RHOQ: variants seen among roughly 807,000 people sequenced by gnomAD.
The protein encoded by RHOQ is ras homolog family member Q, also known as rho-related GTP-binding protein RhoQ.
A neutral mutation model predicts 25.8 loss-of-function variants in RHOQ; 7 were observed. That is an observed-to-expected ratio of 0.27 (90% confidence interval 0.15 to 0.51). The LOEUF (loss-of-function observed/expected upper bound fraction) is 0.51, where lower values mean the gene tolerates loss of function less well. Ranked by LOEUF, RHOQ falls within the 20% of genes least tolerant of loss-of-function variation. The pLI, the probability that RHOQ is intolerant of heterozygous loss-of-function variation, is 0.97. For missense variants in RHOQ, 165 were observed against 260.6 expected, an observed-to-expected ratio of 0.63 and a Z score of 2.53; for synonymous variants, 97 against 98.6, an observed-to-expected ratio of 0.98 and a Z score of 0.10.
At chr2:46,563,077 C>A (rs904803844) in intron 2 of RHOQ, among the ~76,000 whole-genome samples, 1 of 152,150 alleles carries the variant, frequency 6.6e-6, no homozygotes, top group Admixed American at 6.5e-5. Context: ...ATAAAAGAAA[C>A]AGAAAAGGTA....
rs139602933 is a variant in RHOQ at position 46,561,122 on chromosome 2, A to G, written c.202-14965A>G. Among the ~76,000 whole-genome samples the G allele has an allele frequency of 5.6e-4, 84 of 151,240 alleles. No homozygotes were observed. The East Asian group carries it at 0.015, about 27-fold the overall frequency. ...CAGGTATGTGTGTGTGCGCACGTTTATATGTCTGTGTGTGTGTGTATATAT... is the reference window on the plus strand; with the variant it reads ...CAGGTATGTGTGTGTGCGCACGTTTGTATGTCTGTGTGTGTGTGTATATAT... On this transcript the variant is annotated intron_variant, in intron 2 of 4. Transcript: ENST00000238738.
At chr2:46,554,524 G>A (rs1668353381) in intron 2 of RHOQ, among the ~76,000 whole-genome samples, 1 of 152,226 alleles carries the variant, frequency 6.6e-6, no homozygotes, top group Admixed American at 6.5e-5. Flanking sequence ...TCTGGGTGGT[G>A]ACAGACCCTG....
At chr2:46,570,942 A>G (rs1668894272) in intron 2 of RHOQ, among the ~76,000 whole-genome samples, 1 of 152,202 alleles carries the variant, frequency 6.6e-6, no homozygotes, top group Admixed American at 6.5e-5. Flanking sequence ...ATCCTGCATT[A>G]TTTGGGATTG....
At position 46,555,618 on chromosome 2, in the gene RHOQ, G is replaced by A. The variant is rs1668388528; in HGVS notation, c.201+11806G>A. ...TTTAAGCAAAGTGGGACTCATTTCTGGACTCACAGAGCTCATTAAGCAGAC... is the reference window on the plus strand; with the variant it reads ...TTTAAGCAAAGTGGGACTCATTTCTAGACTCACAGAGCTCATTAAGCAGAC... On this transcript the variant is annotated intron_variant, in intron 2 of 4. Transcript: ENST00000238738. This position sits in a 1 kb window ranked among gnomAD's most constrained non-coding sequence, Gnocchi z 4.3. Among the ~76,000 whole-genome samples the A allele has an allele frequency of 6.6e-6, 1 of 152,202 alleles. No individual in the cohort carries two copies. Among genetic ancestry groups the A allele is most frequent in the Non-Finnish European group, 1.5e-5 (1 of 68,038 alleles).
rs543886089 is a variant in RHOQ at position 46,550,654 on chromosome 2, G to A, written c.201+6842G>A. ...TACCTCTTTGTAGCTGTGAGACATCGGCCAGCCGGCTCACTTCTGTGAGCC... is the reference window on the plus strand; with the variant it reads ...TACCTCTTTGTAGCTGTGAGACATCAGCCAGCCGGCTCACTTCTGTGAGCC... On this transcript the variant is annotated intron_variant, in intron 2 of 4. Transcript: ENST00000238738. 2.8e-3 allele frequency among the ~76,000 whole-genome samples: 420 copies of A among 152,330 alleles called. 1 individual carries two copies. The highest frequency in any genetic ancestry group is 9.5e-3 in the African/African-American group (393 of 41,564).
At chr2:46,549,074 C>T (rs1200847466) in intron 2 of RHOQ, among the ~76,000 whole-genome samples, 2 of 152,038 alleles carry the variant, frequency 1.3e-5, no homozygotes, top group African/African-American at 4.8e-5. Context: ...TAATCTGTGC[C>T]CCATCCCCAT....
intron 2 of RHOQ, among the ~76,000 whole-genome samples, chr2:46,546,428 A>G (rs1668045278): frequency 7.3e-6 from 1 of 137,014 alleles, no homozygotes; most frequent in Non-Finnish European, 1.6e-5. Flanking sequence ...ATATATATAT[A>G]TATGTATCCG....
In RHOQ at chr2:46,582,852, A is replaced by G. The variant is rs1669445317; in HGVS notation, c.*1769A>G. 1 of 152,570 alleles carries G rather than the reference A, an allele frequency of 6.6e-6. No homozygotes were observed. Among genetic ancestry groups the G allele is most frequent in the Non-Finnish European group, 1.5e-5 (1 of 68,016 alleles). The allele number at this position is 152,570 out of a possible 1,614,324, so 9.5% of individuals were successfully genotyped here. A position where few individuals can be genotyped will look rare whatever the true frequency, so the allele number is the denominator to read the frequency against. On this transcript the variant is annotated 3_prime_UTR_variant, in exon 5 of 5. Transcript: ENST00000238738. ...CACCTTCCCATTGAAGAGTGGAGAG[A>G]GTCTACTGGATGACTGGCCAGGAAC...
intron 1 of RHOQ, 120 bp from the exon 2 acceptor site, chr2:46,543,633 CG>C (rs1024814984): frequency 3.7e-6 from 3 of 807,360 alleles, no homozygotes; most frequent in African/African-American, 3.4e-5. Flanking sequence ...TGACATCTCG[CG>C]GGGAGCGCCC....
At chr2:46,578,807 A>G (rs1669234139) in intron 4 of RHOQ, among the ~76,000 whole-genome samples, 1 of 151,944 alleles carries the variant, frequency 6.6e-6, no homozygotes, top group South Asian at 2.1e-4. Flanking sequence ...CAAATTGCTA[A>G]AAGAGTAAAT....
intron 4 of RHOQ, among the ~76,000 whole-genome samples, chr2:46,577,441 C>G (rs1669168557): frequency 6.9e-6 from 1 of 144,164 alleles, no homozygotes; most frequent in African/African-American, 2.6e-5. Context: ...ACTCTGTGGC[C>G]CAGGTTGGAG....
rs758099980 is a variant in RHOQ, at chr2:46,576,287, G to A, written c.366+36G>A. The A allele has an allele frequency of 4.5e-6, 7 of 1,563,064 alleles. No individual in the cohort carries two copies. The East Asian group carries it at 1.6e-4, about 35-fold the overall frequency. ...TTTGATTTTCTGCATTTTAGAATAAGCTCTTTGGTCTGTCGTAGAGGCTGC... is the reference window on the plus strand; with the variant it reads ...TTTGATTTTCTGCATTTTAGAATAAACTCTTTGGTCTGTCGTAGAGGCTGC... On this transcript the variant is annotated intron_variant, in intron 3 of 4. Transcript: ENST00000238738. The surrounding 1 kb of genome is among the most constrained non-coding windows in gnomAD (Gnocchi z 5.1).
chr2:46,543,802 C>T lies in RHOQ; in HGVS notation c.191C>T (p.Thr64Met), dbSNP rs1434702402. Residue 64 changes from threonine to methionine, a missense_variant, in exon 2 of 5, where the codon ACG becomes ATG. Thr to Met is a moderately conservative substitution (Grantham distance 81, BLOSUM62 -1). Transcript: ENST00000238738. ...GKQYLLGLYDTAGQEDYDRLR... is the reference protein window; with the variant it reads ...GKQYLLGLYDMAGQEDYDRLR... ...CAGTACCTCCTAGGACTCTATGACA[C>T]GGCCGGACAGGTGAGTGTCTTGGCC... is the stretch of plus-strand genomic sequence containing the variant. 1.9e-6 allele frequency: 3 copies of T among 1,613,484 alleles called. No individual in the cohort carries two copies. Among genetic ancestry groups the T allele is most frequent in the South Asian group, 2.2e-5 (2 of 90,976 alleles).
rs566297097 is a variant in RHOQ at position 46,556,977 on chromosome 2, A to G, written c.201+13165A>G. ...AAGAGTTAATCTACCATGTAGCCCCAGTGGAAAAATGGACAAGACATAAAC... is the reference window on the plus strand; with the variant it reads ...AAGAGTTAATCTACCATGTAGCCCCGGTGGAAAAATGGACAAGACATAAAC... On this transcript the variant is annotated intron_variant, in intron 2 of 4. Coordinates refer to ENST00000238738, the MANE Select transcript of RHOQ (RefSeq NM_012249.4). This position sits in a 1 kb window ranked among gnomAD's most constrained non-coding sequence, Gnocchi z 4.9. Among the ~76,000 whole-genome samples, 6 of 152,360 alleles carry G rather than the reference A, an allele frequency of 3.9e-5. No individual in the cohort carries two copies. The East Asian group carries it at 7.7e-4, about 20-fold the overall frequency.
intron 2 of RHOQ, among the ~76,000 whole-genome samples, chr2:46,572,108 T>TTTTTTG (rs1668939451): frequency 1.3e-5 from 1 of 78,780 alleles, no homozygotes; most frequent in African/African-American, 7.9e-5. Flanking sequence ...TAAGTGTGTG[T>TTTTTTG]TTTTTTTTTT....
Position 46,583,347 on chromosome 2 carries a change from A to G in RHOQ, c.*2264A>G, listed in dbSNP as rs563468722. 6.6e-6 allele frequency among the ~76,000 whole-genome samples: 1 copy of G among 152,238 alleles called. No individual in the cohort carries two copies. The highest frequency in any genetic ancestry group is 2.1e-4 in the South Asian group (1 of 4,826). On this transcript the variant is annotated 3_prime_UTR_variant, in exon 5 of 5. Transcript: ENST00000238738. ...ATGGGAGGTAGAACAGAGATCTCCA[A>G]CGTCTCTCCCATTTATCACAGTAAT...
chr2:46,573,756 C>A (rs1004896006), intron 2 of RHOQ, among the ~76,000 whole-genome samples: 4 of 152,180 alleles, frequency 2.6e-5, no homozygotes, highest in African/African-American at 9.7e-5. Context: ...TTCTGTTTCC[C>A]TGAGGAGGTA....
In RHOQ at chr2:46,578,569, C is replaced by CAAA. The variant is rs755333304; in HGVS notation, c.462+1948_462+1950dup. On this transcript the variant is annotated intron_variant, in intron 4 of 4. Coordinates refer to ENST00000238738, the MANE Select transcript of RHOQ (RefSeq NM_012249.4). The stretch of plus-strand genomic sequence containing the variant: ...CAACATGGTGAAACCCCATCTCTAC[C>CAAA]AAAAAAAAAAAAAAAAAAAAAAAAA... Among the ~76,000 whole-genome samples the CAAA allele has an allele frequency of 1.0e-3, 24 of 24,068 alleles. 4 individuals are homozygous for CAAA. The highest frequency in any genetic ancestry group is 2.2e-3 in the Admixed American group (3 of 1,336). 15.8% of individuals were successfully genotyped at this position (24,068 alleles called of 152,430 possible). A position where few individuals can be genotyped will look rare whatever the true frequency, so the allele number is the denominator to read the frequency against.
At position 46,555,948 on chromosome 2, in the gene RHOQ, G is replaced by C. The variant is rs959450132; in HGVS notation, c.201+12136G>C. ...AGAGAAATTGCTGGTGTGTCAAACT[G>C]CTTGATATGTAAGTTTCCTCCTCTT... On this transcript the variant is annotated intron_variant, in intron 2 of 4. Transcript: ENST00000238738. This position sits in a 1 kb window ranked among gnomAD's most constrained non-coding sequence, Gnocchi z 4.3. Among the ~76,000 whole-genome samples, 3 of 152,194 alleles carry C rather than the reference G, an allele frequency of 2.0e-5. No individual in the cohort carries two copies. The highest frequency in any genetic ancestry group is 4.4e-5 in the Non-Finnish European group (3 of 68,032).
Sources: gnomAD v4.1 joint callset for allele counts (sites outside exome capture counted in the v4.1 genomes callset) on GRCh38, gnomAD v4.1.1 for gene constraint, Gnocchi (gnomAD v3.1) non-coding constraint, MANE v1.5 for transcripts, NCBI Gene and HGNC (gene_info 2026-07-23, HGNC 2026-07-21) for gene names.